The following HECW2 variants were observed in gnomAD, a reference collection of about 807,000 sequenced individuals.
The protein encoded by HECW2 is HECT, C2 and WW domain containing E3 ubiquitin protein ligase 2, also known as E3 ubiquitin-protein ligase HECW2.
A neutral mutation model predicts 175.2 loss-of-function variants in HECW2; 61 were observed. That is an observed-to-expected ratio of 0.35 (90% CI 0.28 to 0.43). HECW2 has a LOEUF of 0.43. Ranked by LOEUF, HECW2 falls within the 20% of genes least tolerant of loss-of-function variation. The probability of loss-of-function intolerance (pLI) is 1.00; values close to 1 mark genes in which losing one functional copy is unlikely to be tolerated. For synonymous variants in HECW2, 671 were observed against 731.0 expected (o/e 0.92, Z 1.32); for missense variants, 1,524 against 2,000.5 (o/e 0.76, Z 4.54).
At chr2:196,487,113 C>T (rs1559139089) in intron 1 of HECW2, among the ~76,000 whole-genome samples, 1 of 147,910 alleles carries the variant, frequency 6.8e-6, no homozygotes, top group Non-Finnish European at 1.5e-5. Flanking sequence ...CGCACCACTG[C>T]ACTCCAGCCT....
rs373842306 is a variant in HECW2, at chr2:196,395,856, C to T, written c.292+37276G>A. The stretch of plus-strand genomic sequence containing the variant: ...AATAATTAAACATAGAATTACCATA[C>T]GATCCAGCTATTCTACTTCTGGGTA... On this transcript the variant is annotated intron_variant, in intron 2 of 28. Transcript: ENST00000644978. Among the ~76,000 whole-genome samples the T allele has an allele frequency of 2.9e-4, 44 of 152,236 alleles. No homozygotes were observed. In the East Asian group the frequency reaches 3.3e-3, roughly 11 times the overall value.
At chr2:196,229,688 A>AG (rs1280637771) in intron 21 of HECW2, among the ~76,000 whole-genome samples, 2 of 152,180 alleles carry the variant, frequency 1.3e-5, no homozygotes, top group African/African-American at 4.8e-5. Flanking sequence ...AACAAAAAGG[A>AG]TCCTATAGGC....
intron 27 of HECW2, among the ~76,000 whole-genome samples, chr2:196,216,323 C>T (rs1687473820): frequency 6.6e-6 from 1 of 151,994 alleles, no homozygotes; most frequent in South Asian, 2.1e-4. Context: ...AGCATCAGTC[C>T]TTGATCAATG....
At chr2:196,486,105 G>A (rs949058919) in intron 1 of HECW2, among the ~76,000 whole-genome samples, 2 of 152,156 alleles carry the variant, frequency 1.3e-5, no homozygotes, top group African/African-American at 2.4e-5. Context: ...AAAGGGTCTG[G>A]TGATAGTCTA....
intron 1 of HECW2, among the ~76,000 whole-genome samples, chr2:196,472,922 G>C (rs1159059972): frequency 6.6e-6 from 1 of 152,184 alleles, no homozygotes; most frequent in Non-Finnish European, 1.5e-5. Flanking sequence ...CACTCAGCTG[G>C]AAGGTAACTT....
chr2:196,581,694 C>T (rs930311514), intron 1 of HECW2, among the ~76,000 whole-genome samples: 4 of 152,018 alleles, frequency 2.6e-5, no homozygotes, highest in African/African-American at 7.2e-5. Flanking sequence ...AGAAAATAAA[C>T]TTTATTTTGT....
intron 1 of HECW2, among the ~76,000 whole-genome samples, chr2:196,585,742 G>A (rs190968308): frequency 6.0e-4 from 91 of 152,234 alleles, no homozygotes; most frequent in African/African-American, 2.0e-3. Context: ...GGGCCTATAC[G>A]GAGGGTATCC....
intron 2 of HECW2, among the ~76,000 whole-genome samples, chr2:196,372,559 A>G (rs1693937326): frequency 3.3e-5 from 5 of 152,194 alleles, no homozygotes; most frequent in Admixed American, 3.3e-4. Context: ...TGTGCATACA[A>G]TGGGTAAAGT....
chr2:196,311,258 T>C (rs7558972), intron 10 of HECW2, among the ~76,000 whole-genome samples: 81,696 of 152,174 alleles, frequency 0.54, 25,295 homozygotes, highest in East Asian at 0.82. Context: ...CAGAATCACT[T>C]TGAGGATCAA....
At position 196,273,020 on chromosome 2, in the gene HECW2, A is replaced by G. The variant is rs185908632; in HGVS notation, c.3238+1001T>C. The stretch of plus-strand genomic sequence containing the variant: ...TTTTTTAATTTAAAGAAGACGTTTT[A>G]AAACAAAGATAAATGGAGAGCTGGT... On this transcript the variant is annotated intron_variant, in intron 16 of 28. Coordinates refer to ENST00000644978, the MANE Select transcript of HECW2 (RefSeq NM_001348768.2). 5.8e-3 allele frequency among the ~76,000 whole-genome samples: 870 copies of G among 149,846 alleles called. 5 individuals carry two copies. The highest frequency in any genetic ancestry group is 9.7e-3 in the Non-Finnish European group (658 of 67,794).
intron 1 of HECW2, among the ~76,000 whole-genome samples, chr2:196,543,817 C>G (rs1689310217): frequency 6.6e-6 from 1 of 152,134 alleles, no homozygotes; most frequent in African/African-American, 2.4e-5. Flanking sequence ...TTTCACCATG[C>G]CAGGCAGGCT....
At chr2:196,283,771 C>T (rs1690279049) in intron 14 of HECW2, among the ~76,000 whole-genome samples, 1 of 152,182 alleles carries the variant, frequency 6.6e-6, no homozygotes, top group South Asian at 2.1e-4. Context: ...AGTTTCCACA[C>T]TGCAGAGGAA....
intron 2 of HECW2, among the ~76,000 whole-genome samples, chr2:196,357,816 G>A (rs185805929): frequency 2.3e-4 from 35 of 152,240 alleles, no homozygotes; most frequent in Non-Finnish European, 4.4e-4. Context: ...GCCACCTTGC[G>A]AAGAAGGTAC....
chr2:196,463,119 T>C (rs896422457), intron 1 of HECW2, among the ~76,000 whole-genome samples: 2 of 152,084 alleles, frequency 1.3e-5, no homozygotes, highest in Non-Finnish European at 2.9e-5. Flanking sequence ...TCTCTAATGG[T>C]CACTAGTGAT....
intron 1 of HECW2, among the ~76,000 whole-genome samples, chr2:196,548,311 C>T (rs1689490454): frequency 7.6e-6 from 1 of 131,636 alleles, no homozygotes; most frequent in African/African-American, 2.9e-5. Flanking sequence ...GCCTGGATGA[C>T]AGAGCAAGAC....
intron 1 of HECW2, among the ~76,000 whole-genome samples, chr2:196,437,275 G>A (rs1695905398): frequency 6.6e-6 from 1 of 151,996 alleles, no homozygotes; most frequent in African/African-American, 2.4e-5. Context: ...CAAATGTAGA[G>A]TTTCCACAGA....
chr2:196,394,328 C>T (rs1352390029), intron 2 of HECW2, among the ~76,000 whole-genome samples: 2 of 151,984 alleles, frequency 1.3e-5, no homozygotes, highest in African/African-American at 4.8e-5. Context: ...AGAAAATGAT[C>T]CCAGAAAAAT....
chr2:196,526,740 T>G (rs1362897149), intron 1 of HECW2, among the ~76,000 whole-genome samples: 1 of 151,914 alleles, frequency 6.6e-6, no homozygotes, highest in African/African-American at 2.4e-5. Flanking sequence ...CCCTGCCCTG[T>G]GAGGTGTCAG....
intron 28 of HECW2, among the ~76,000 whole-genome samples, chr2:196,202,301 T>G (rs1418578395): frequency 6.6e-6 from 1 of 152,228 alleles, no homozygotes; most frequent in Non-Finnish European, 1.5e-5. Context: ...ATGTCTATAC[T>G]TTTACTCTGA....
Sources: gnomAD v4.1 joint callset for allele counts (sites outside exome capture counted in the v4.1 genomes callset) on GRCh38, gnomAD v4.1.1 for gene constraint, MANE v1.5 for transcripts, NCBI Gene and HGNC (gene_info 2026-07-23, HGNC 2026-07-21) for gene names.